Variants in FGFRL1 observed in about 807,000 individuals in gnomAD.
FGFRL1 encodes the protein fibroblast growth factor receptor like 1, also known as fibroblast growth factor receptor-like 1.
FGFRL1 carries 24 observed loss-of-function variants against 36.8 expected under a neutral mutation model. The observed-to-expected ratio is 0.65, with a 90% CI of 0.47 to 0.92. FGFRL1 has a LOEUF of 0.92. Among genes scored for constraint, FGFRL1 ranks in the 40% least tolerant of loss-of-function variants. The pLI is 0.00. For synonymous variants in FGFRL1, 422 were observed against 344.1 expected, an observed-to-expected ratio of 1.23 and a Z score of -2.50; for missense variants, 785 against 753.4, an observed-to-expected ratio of 1.04 and a Z score of -0.49.
chr4:1,018,985 C>T (rs982305545), intron 2 of FGFRL1, among the ~76,000 whole-genome samples: 7 of 152,174 alleles, frequency 4.6e-5, no homozygotes, highest in South Asian at 2.1e-4. Flanking sequence ...CCCGTGCCTA[C>T]AGCGCTTGCA....
At position 1,025,296 on chromosome 4, in the gene FGFRL1, ACACT is replaced by A. The variant is rs1391534379; in HGVS notation, c.1468_1471del (p.Ser490ThrfsTer89). The A allele has an allele frequency of 8.3e-6, 13 of 1,574,846 alleles. No individual in the cohort carries two copies. The highest frequency in any genetic ancestry group is 1.8e-5 in the Admixed American group (1 of 54,296). ...CACACACACACACACACTCTCACAC[ACACT>A]CACACGTGGAGGGCAAGGTCCACCA... On this transcript the variant is annotated frameshift_variant, in exon 7 of 7. Coordinates refer to ENST00000510644, the MANE Select transcript of FGFRL1 (RefSeq NM_001004356.3). LOFTEE classifies it high-confidence loss of function.
chr4:1,025,455 T>C lies in FGFRL1; in HGVS notation c.*108T>C, dbSNP rs552234059. 1.4e-4 allele frequency: 187 copies of C among 1,347,970 alleles called. No individual in the cohort carries two copies. The highest frequency in any genetic ancestry group is 1.7e-4 in the Non-Finnish European group (171 of 991,676). The allele number at this position is 1,347,970 out of a possible 1,614,324, so 83.5% of individuals were successfully genotyped here. A position where few individuals can be genotyped will look rare whatever the true frequency, so the allele number is the denominator to read the frequency against. On this transcript the variant is annotated 3_prime_UTR_variant, in exon 7 of 7. Coordinates refer to ENST00000510644, the MANE Select transcript of FGFRL1 (RefSeq NM_001004356.3). ...GCAGGGGACCCATGGCGAGGAGGAATGGCCAGCACCCCAGGCAGTCTGTGT... is the reference window on the plus strand; with the variant it reads ...GCAGGGGACCCATGGCGAGGAGGAACGGCCAGCACCCCAGGCAGTCTGTGT...
chr4:1,024,013 C>A lies in FGFRL1; in HGVS notation c.630C>A (p.Asn210Lys). Residue 210 changes from asparagine to lysine, a missense_variant, in exon 5 of 7, where the codon AAC becomes AAA. Coordinates refer to ENST00000510644, the MANE Select transcript of FGFRL1 (RefSeq NM_001004356.3). Reference sequence around the variant, plus strand: ...AGAAGTGGACACTGAGCCTGAAGAACCTGCGGCCGGAGGACAGCGGCAAAT... The same window carrying A: ...AGAAGTGGACACTGAGCCTGAAGAAACTGCGGCCGGAGGACAGCGGCAAAT... The part of the protein sequence containing the change: ...RKKKWTLSLK[N>K]LRPEDSGKYT... 1 of 1,607,862 alleles carries A rather than the reference C, an allele frequency of 6.2e-7. No homozygotes were observed. Among genetic ancestry groups the A allele is most frequent in the Admixed American group, 1.7e-5 (1 of 59,818 alleles).
At position 1,026,249 on chromosome 4, in the gene FGFRL1, C is replaced by T. The variant is rs1716526579; in HGVS notation, c.*902C>T. 1 of 156,628 alleles carries T rather than the reference C, an allele frequency of 6.4e-6. No homozygotes were observed. The highest frequency in any genetic ancestry group is 6.5e-5 in the Admixed American group (1 of 15,474). 9.7% of individuals were successfully genotyped at this position (156,628 alleles called of 1,614,324 possible). The stretch of plus-strand genomic sequence containing the variant: ...CGCACGCACACATGCAGATATGCTG[C>T]CTGGGCACACACTTCCGGACACACA... On this transcript the variant is annotated 3_prime_UTR_variant, in exon 7 of 7. Coordinates refer to ENST00000510644, the MANE Select transcript of FGFRL1 (RefSeq NM_001004356.3).
chr4:1,012,913 T>C (rs1400069734), intron 2 of FGFRL1, among the ~76,000 whole-genome samples: 1 of 152,098 alleles, frequency 6.6e-6, no homozygotes, highest in Non-Finnish European at 1.5e-5. Context: ...GAGTGGGCGG[T>C]TTGTGGCCAC....
chr4:1,010,257 C>T (rs556689468), upstream of FGFRL1: 1,065 of 152,380 alleles, frequency 7.0e-3, 6 homozygotes, highest in Non-Finnish European at 0.011. Flanking sequence ...ACGCGGCGGT[C>T]CCTGGACCCT....
chr4:1,024,979 A>C lies in FGFRL1; in HGVS notation c.1147A>C (p.Ile383Leu), dbSNP rs774750247. ...TSLPWPVVIG[I>L]PAGAVFILGT... ...CCTGCCGTGGCCCGTGGTCATCGGC[A>C]TCCCAGCCGGCGCTGTCTTCATCCT... Residue 383 changes from isoleucine (I) to leucine (L), a missense_variant, in exon 7 of 7, where the codon ATC (isoleucine) becomes CTC (leucine). Transcript: ENST00000510644. 1 of 1,609,918 alleles carries C rather than the reference A, an allele frequency of 6.2e-7. No individual in the cohort carries two copies. The highest frequency in any genetic ancestry group is 2.2e-5 in the East Asian group (1 of 44,864).
chr4:1,013,925 C>T (rs1388375433), intron 2 of FGFRL1, among the ~76,000 whole-genome samples: 2 of 152,292 alleles, frequency 1.3e-5, no homozygotes, highest in Admixed American at 6.5e-5. Flanking sequence ...CTTTGCGTGG[C>T]AAAGGCCCTG....
chr4:1,026,365 G>C lies in FGFRL1; in HGVS notation c.*1018G>C, dbSNP rs775786632. 1 of 146,344 alleles carries C rather than the reference G, an allele frequency of 6.8e-6. No individual in the cohort carries two copies. The highest frequency in any genetic ancestry group is 2.1e-4 in the East Asian group (1 of 4,768). 9.1% of individuals were successfully genotyped at this position (146,344 alleles called of 1,614,324 possible). A position where few individuals can be genotyped will look rare whatever the true frequency, so the allele number is the denominator to read the frequency against. ...CCGTGAAGCCTGCAGTACGTGTGCC[G>C]TGAGGCTCATAGTTGATGAGGGACT... On this transcript the variant is annotated 3_prime_UTR_variant, in exon 7 of 7. Coordinates refer to ENST00000510644, the MANE Select transcript of FGFRL1 (RefSeq NM_001004356.3).
chr4:1,014,244 A>G (rs1715765428), intron 2 of FGFRL1, among the ~76,000 whole-genome samples: 1 of 151,508 alleles, frequency 6.6e-6, no homozygotes, highest in Admixed American at 6.6e-5. Context: ...CCAAACTTTC[A>G]CAATCTTGGT....
Position 1,025,489 on chromosome 4 carries a change from T to C in FGFRL1, c.*142T>C, listed in dbSNP as rs771227332. ...CCCCAGGCAGTCTGTGTGTGAGGCA[T>C]AGCCCCTGGACACACACACACAGAC... On this transcript the variant is annotated 3_prime_UTR_variant, in exon 7 of 7. Coordinates refer to ENST00000510644, the MANE Select transcript of FGFRL1 (RefSeq NM_001004356.3). The C allele has an allele frequency of 4.6e-4, 453 of 981,726 alleles. 3 individuals carry two copies. The highest frequency in any genetic ancestry group is 3.6e-3 in the South Asian group (213 of 59,372). 60.8% of individuals were successfully genotyped at this position (981,726 alleles called of 1,614,324 possible).
intron 2 of FGFRL1, among the ~76,000 whole-genome samples, chr4:1,015,654 T>C (rs1715850315): frequency 6.6e-6 from 1 of 152,222 alleles, no homozygotes; most frequent in Admixed American, 6.5e-5. Flanking sequence ...TGCCTGGTGC[T>C]GTTAAGGGGC....
chr4:1,020,585 C>A (rs1383807257), intron 2 of FGFRL1, among the ~76,000 whole-genome samples: 4 of 148,054 alleles, frequency 2.7e-5, no homozygotes, highest in African/African-American at 1.0e-4. Flanking sequence ...GCCCTGCCTT[C>A]CAGCCCAGAG....
In FGFRL1 at chr4:1,012,746, C is replaced by G. The variant is rs531141968; in HGVS notation, c.79+182C>G. Among the ~76,000 whole-genome samples, 26 of 152,374 alleles carry G rather than the reference C, an allele frequency of 1.7e-4. No individual in the cohort carries two copies. The East Asian group carries it at 4.8e-3, about 28-fold the overall frequency. On this transcript the variant is annotated intron_variant, in intron 2 of 6. Transcript: ENST00000510644. ...CCCATGGGCTGTCCACAGCACCCAC[C>G]GGGGCTCCCCTAGCTGGCTGGAGGG...
chr4:1,014,251 T>C (rs983161373), intron 2 of FGFRL1, among the ~76,000 whole-genome samples: 2 of 152,138 alleles, frequency 1.3e-5, no homozygotes, highest in African/African-American at 4.8e-5. Flanking sequence ...TTCACAATCT[T>C]GGTGGATTTG....
At position 1,026,444 on chromosome 4, in the gene FGFRL1, G is replaced by GTCCCCGCCTCCA. The variant is rs4647941; in HGVS notation, c.*1108_*1119dup. The GTCCCCGCCTCCA allele has an allele frequency of 6.1e-6, 1 of 163,178 alleles. No individual in the cohort carries two copies. Among genetic ancestry groups the GTCCCCGCCTCCA allele is most frequent in the Non-Finnish European group, 1.3e-5 (1 of 75,584 alleles). 10.1% of individuals were successfully genotyped at this position (163,178 alleles called of 1,614,324 possible). ...TCTGCCCGCCTCTGTCCCCGCCTCAGTCCCCGCCTCCATCCCCGCCTCTGT... is the reference window on the plus strand; with the variant it reads ...TCTGCCCGCCTCTGTCCCCGCCTCAGTCCCCGCCTCCATCCCCGCCTCCATCCCCGCCTCTGT... On this transcript the variant is annotated 3_prime_UTR_variant, in exon 7 of 7. Coordinates refer to ENST00000510644, the MANE Select transcript of FGFRL1 (RefSeq NM_001004356.3).
intron 2 of FGFRL1, among the ~76,000 whole-genome samples, chr4:1,018,632 C>G (rs1053972563): frequency 6.6e-6 from 1 of 152,164 alleles, no homozygotes; most frequent in Non-Finnish European, 1.5e-5. Context: ...TGCTGTCATG[C>G]CCCGGCGGGG....
Position 1,025,637 on chromosome 4 carries a change from A to C in FGFRL1, c.*290A>C. On this transcript the variant is annotated 3_prime_UTR_variant, in exon 7 of 7. Transcript: ENST00000510644. ...CTGGGCACACAGATAAGCTGCCCAA[A>C]TGCACGCACACGCACAGAGACATGC... 5 of 515,564 alleles carry C rather than the reference A, an allele frequency of 9.7e-6. No individual in the cohort carries two copies. The highest frequency in any genetic ancestry group is 3.3e-5 in the East Asian group (1 of 29,968). The allele number at this position is 515,564 out of a possible 1,614,324, so 31.9% of individuals were successfully genotyped here. A position where few individuals can be genotyped will look rare whatever the true frequency, so the allele number is the denominator to read the frequency against.
Position 1,023,590 on chromosome 4 carries a change from C to T in FGFRL1, c.353-51C>T, listed in dbSNP as rs534084273. 1 of 1,523,070 alleles carries T rather than the reference C, an allele frequency of 6.6e-7. No individual in the cohort carries two copies. Among genetic ancestry groups the T allele is most frequent in the Non-Finnish European group, 8.9e-7 (1 of 1,122,708 alleles). The allele number at this position is 1,523,070 out of a possible 1,614,324, so 94.3% of individuals were successfully genotyped here. A position where few individuals can be genotyped will look rare whatever the true frequency, so the allele number is the denominator to read the frequency against. ...AGGCCACGGGGGAGTTGGGGGAGCT[C>T]CTCAGGGCCCCCCTCACCTGCCCTC... On this transcript the variant is annotated intron_variant, in intron 3 of 6. Transcript: ENST00000510644. The surrounding 1 kb of genome is among the most constrained non-coding windows in gnomAD (Gnocchi z 6.0).
Sources: gnomAD v4.1 joint callset for allele counts (sites outside exome capture counted in the v4.1 genomes callset) on GRCh38, gnomAD v4.1.1 for gene constraint, Gnocchi (gnomAD v3.1) non-coding constraint, MANE v1.5 for transcripts, NCBI Gene and HGNC (gene_info 2026-07-23, HGNC 2026-07-21) for gene names.